CSN2: variants seen among roughly 807,000 people sequenced by gnomAD.
CSN2 encodes the protein casein beta.
CSN2 carries 27 observed loss-of-function variants against 27.3 expected under a neutral mutation model. The observed-to-expected ratio is 0.99, with a 90% CI of 0.73 to 1.36. The LOEUF (loss-of-function observed/expected upper bound fraction) is 1.36. CSN2 is among the 40% of genes most tolerant of loss of function. The pLI is 0.00. For synonymous variants in CSN2, 131 were observed against 94.8 expected, an observed-to-expected ratio of 1.38 and a Z score of -2.22; for missense variants, 333 against 264.5, an observed-to-expected ratio of 1.26 and a Z score of -1.80.
Position 69,961,293 on chromosome 4 carries a change from C to T in CSN2, c.-12-286G>A, listed in dbSNP as rs568063298. Among the ~76,000 whole-genome samples, 229 of 152,022 alleles carry T rather than the reference C, an allele frequency of 1.5e-3. 2 individuals carry two copies. Among genetic ancestry groups the T allele is most frequent in the African/African-American group, 5.3e-3 (219 of 41,498 alleles). On this transcript the variant is annotated intron_variant, in intron 1 of 7. Coordinates refer to ENST00000353151, the MANE Select transcript of CSN2 (RefSeq NM_001891.4). ...CTCTATCCCCACTTTTAAAAAAGTC[C>T]CATTTACAGTATTGAATTTTTCAAA...
intron 5 of CSN2, among the ~76,000 whole-genome samples, chr4:69,958,522 T>G (rs1261910081): frequency 6.6e-6 from 1 of 152,132 alleles, no homozygotes; most frequent in Non-Finnish European, 1.5e-5. Flanking sequence ...CATATGGGAA[T>G]AAAGGCAATA....
chr4:69,962,998 C>A (rs1723657801), intron 1 of CSN2, among the ~76,000 whole-genome samples: 1 of 152,190 alleles, frequency 6.6e-6, no homozygotes, highest in Non-Finnish European at 1.5e-5. Context: ...CTCATCATCA[C>A]TGGCCATCAG....
In CSN2 at chr4:69,957,752, T is replaced by A. The variant is rs202142721; in HGVS notation, c.197A>T (p.Tyr66Phe). 6.2e-7 allele frequency: 1 copy of A among 1,613,858 alleles called. No homozygotes were observed. The highest frequency in any genetic ancestry group is 2.2e-5 in the East Asian group (1 of 44,882). ...ATAGGGGATAGGTTCAACGAATGGA[T>A]AGATCAGAGGCTGTGGCTGGAAAGA... ...YPSFQPQPLI[Y>F]PFVEPIPYGF... The change falls in exon 6 of 8, where the codon TAT becomes TTT. Residue 66 changes from tyrosine (Y) to phenylalanine (F), a missense_variant. Physicochemically the swap from Tyr to Phe is conservative, Grantham distance 22. Transcript: ENST00000353151.
At chr4:69,958,831 A>G in intron 5 of CSN2, 78 bp downstream of exon 5, 1 of 912,974 alleles carries the variant, frequency 1.1e-6, no homozygotes, top group Non-Finnish European at 1.6e-6. Context: ...TTTAGAATCA[A>G]CATACACATT....
intron 1 of CSN2, among the ~76,000 whole-genome samples, chr4:69,962,245 T>C (rs1390300156): frequency 6.6e-6 from 1 of 152,142 alleles, no homozygotes; most frequent in Non-Finnish European, 1.5e-5. Context: ...TTAAAGTTCA[T>C]ATGGAACCAA....
rs745794208 is a variant in CSN2, at chr4:69,957,375, GC to G, written c.573del (p.Pro192LeufsTer22). On this transcript the variant is annotated frameshift_variant, in exon 6 of 8. Coordinates refer to ENST00000353151, the MANE Select transcript of CSN2 (RefSeq NM_001891.4). LOFTEE classifies it high-confidence loss of function. The stretch of plus-strand genomic sequence containing the variant: ...TGGTTGAGCAGAAGGGCTTGAACAG[GC>G]ACAGCTCTCTGAGGGTAGGGCACCA... ...QQVVPYPQRA[V>X]PVQALLLNQE... is the part of the protein sequence containing the mutation. The G allele has an allele frequency of 6.2e-7, 1 of 1,613,510 alleles. No homozygotes were observed.
At chr4:69,963,092 G>T (rs1578146507) in intron 1 of CSN2, among the ~76,000 whole-genome samples, 1 of 151,780 alleles carries the variant, frequency 6.6e-6, no homozygotes, top group South Asian at 2.1e-4. Flanking sequence ...AACAACAGGT[G>T]CTGGAGAGGA....
At chr4:69,958,457 G>A (rs1227301455) in intron 5 of CSN2, among the ~76,000 whole-genome samples, 4 of 151,932 alleles carry the variant, frequency 2.6e-5, no homozygotes, top group Non-Finnish European at 4.4e-5. Flanking sequence ...AATTATAATT[G>A]GGTAAACATA....
chr4:69,961,051 G>A (rs1723562942), intron 1 of CSN2, 44 bp from the exon 2 acceptor site: 1 of 1,395,672 alleles, frequency 7.2e-7, no homozygotes, highest in Non-Finnish European at 1.0e-6. Context: ...TTGGTCAATT[G>A]GATATACTTT....
intron 1 of CSN2, 51 bp from the exon 2 acceptor site, chr4:69,961,058 C>T (rs915252164): frequency 7.7e-7 from 1 of 1,305,640 alleles, no homozygotes; most frequent in Non-Finnish European, 1.1e-6. Flanking sequence ...ATTGGATATA[C>T]TTTCTTATGT....
chr4:69,961,512 G>T (rs1343015655), intron 1 of CSN2, among the ~76,000 whole-genome samples: 1 of 152,074 alleles, frequency 6.6e-6, no homozygotes, highest in East Asian at 1.9e-4. Context: ...TGCAGAAAAG[G>T]CCTTTGACAA....
chr4:69,958,901 C>CA lies in CSN2; in HGVS notation c.144+7dup. ...ATTTTAAACATATACTTATCATTAACAAATTACCTCTCCTTGCTGCTGGTC... is the reference window on the plus strand; with the variant it reads ...ATTTTAAACATATACTTATCATTAACAAAATTACCTCTCCTTGCTGCTGGTC... On this transcript the variant is annotated splice_region_variant and intron_variant, in intron 5 of 7. Transcript: ENST00000353151. 6.4e-7 allele frequency: 1 copy of CA among 1,565,376 alleles called. No individual in the cohort carries two copies. Among genetic ancestry groups the CA allele is most frequent in the East Asian group, 2.3e-5 (1 of 44,140 alleles).
chr4:69,958,901 C>G lies in CSN2; in HGVS notation c.144+8G>C. ...ATTTTAAACATATACTTATCATTAA[C>G]AAATTACCTCTCCTTGCTGCTGGTC... On this transcript the variant is annotated splice_region_variant and intron_variant, in intron 5 of 7. Transcript: ENST00000353151. The G allele has an allele frequency of 6.4e-7, 1 of 1,565,376 alleles. No homozygotes were observed. Among genetic ancestry groups the G allele is most frequent in the Non-Finnish European group, 8.8e-7 (1 of 1,141,846 alleles).
chr4:69,960,333 T>C (rs112191478), intron 2 of CSN2, among the ~76,000 whole-genome samples: 4,067 of 152,080 alleles, frequency 0.027, 69 homozygotes, highest in East Asian at 0.039. Context: ...AAATGTTATA[T>C]GACTTTTGAG....
chr4:69,960,984 G>A lies in CSN2; in HGVS notation c.12C>T (p.Leu4=). The A allele has an allele frequency of 6.2e-7, 1 of 1,612,882 alleles. No individual in the cohort carries two copies. The highest frequency in any genetic ancestry group is 1.1e-5 in the South Asian group (1 of 91,012). MKV[L]ILACLVALAL... ...CAAGAGCCACCAGGCAGGCGAGGAT[G>A]AGGACCTTCATGGCTACTAAGTCCT... The change falls in exon 2 of 8, where the codon CTC becomes CTT. Residue 4 remains leucine, a synonymous_variant. Coordinates refer to ENST00000353151, the MANE Select transcript of CSN2 (RefSeq NM_001891.4).
At chr4:69,963,829 T>C (rs1723701170) in intron 1 of CSN2, among the ~76,000 whole-genome samples, 1 of 152,180 alleles carries the variant, frequency 6.6e-6, no homozygotes, top group Non-Finnish European at 1.5e-5. Flanking sequence ...CCAGACACTG[T>C]CTAGGGACCA....
At chr4:69,956,511 T>C (rs1723401516) in intron 6 of CSN2, among the ~76,000 whole-genome samples, 156 bp from the exon 7 acceptor site, 1 of 146,742 alleles carries the variant, frequency 6.8e-6, no homozygotes, top group Admixed American at 6.8e-5. Context: ...GTAAAATAAA[T>C]AAATAAATAA....
At position 69,957,556 on chromosome 4, in the gene CSN2, T is replaced by G; in HGVS notation, c.393A>C (p.Pro131=). The G allele has an allele frequency of 6.2e-7, 1 of 1,613,876 alleles. No homozygotes were observed. Among genetic ancestry groups the G allele is most frequent in the Non-Finnish European group, 8.5e-7 (1 of 1,179,986 alleles). ...GCAGATTTTCAAGATCAGTGAGTTTTGGGATTTGAGGGTCAAAAAAGGGTA... is the reference window on the plus strand; with the variant it reads ...GCAGATTTTCAAGATCAGTGAGTTTGGGGATTTGAGGGTCAAAAAAGGGTA... The part of the protein sequence containing the change: ...PTIPFFDPQI[P]KLTDLENLHL... The change falls in exon 6 of 8, where the codon CCA becomes CCC. Residue 131 remains proline, a synonymous_variant. Coordinates refer to ENST00000353151, the MANE Select transcript of CSN2 (RefSeq NM_001891.4).
chr4:69,960,038 A>G lies in CSN2; in HGVS notation c.78+15T>C. ...GGATTTTACTGTTCTAAAATTGGGT[A>G]GAATGTTAACTTACCTCACTGCTTG... is the stretch of plus-strand genomic sequence containing the variant. On this transcript the variant is annotated intron_variant, in intron 3 of 7. Coordinates refer to ENST00000353151, the MANE Select transcript of CSN2 (RefSeq NM_001891.4). 6.2e-7 allele frequency: 1 copy of G among 1,610,532 alleles called. No individual in the cohort carries two copies. Among genetic ancestry groups the G allele is most frequent in the Non-Finnish European group, 8.5e-7 (1 of 1,177,648 alleles).
Sources: allele counts gnomAD v4.1 joint callset (sites outside exome capture counted in the v4.1 genomes callset), GRCh38; gene constraint gnomAD v4.1.1; transcripts MANE v1.5; gene names NCBI Gene and HGNC (gene_info 2026-07-23, HGNC 2026-07-21).